The following IMMP2L variants were observed in gnomAD, a reference collection of about 807,000 sequenced individuals.
IMMP2L encodes mitochondrial inner membrane protease subunit 2.
IMMP2L carries 18 observed loss-of-function variants against 19.3 expected under a neutral mutation model. The observed-to-expected ratio is 0.93, with a 90% CI of 0.64 to 1.38. IMMP2L has a LOEUF of 1.38. Ranked by LOEUF, IMMP2L falls within the 40% of genes most tolerant of loss-of-function variation. The probability of loss-of-function intolerance (pLI) is 0.00; values close to 1 mark genes in which losing one functional copy is unlikely to be tolerated. For synonymous variants in IMMP2L, 76 were observed against 73.0 expected (o/e 1.04, Z -0.21); for missense variants, 233 against 218.2 (o/e 1.07, Z -0.43).
chr7:111,315,030 G>A (rs911823014), intron 3 of IMMP2L, among the ~76,000 whole-genome samples: 4 of 152,090 alleles, frequency 2.6e-5, no homozygotes, highest in South Asian at 2.1e-4. Context: ...AAAAGTATAC[G>A]TGCATATCTC....
At chr7:110,738,409 C>T (rs1796778221) in intron 5 of IMMP2L, among the ~76,000 whole-genome samples, 1 of 152,030 alleles carries the variant, frequency 6.6e-6, no homozygotes, top group Admixed American at 6.6e-5. Context: ...TAGAGAAATG[C>T]AAAATGCACT....
At chr7:111,377,892 T>C (rs969403922) in intron 3 of IMMP2L, among the ~76,000 whole-genome samples, 23 of 152,140 alleles carry the variant, frequency 1.5e-4, no homozygotes, top group Middle Eastern at 3.4e-3. Context: ...CTATACATAG[T>C]ATTAATGTAC....
intron 3 of IMMP2L, among the ~76,000 whole-genome samples, chr7:111,293,721 G>A (rs1378578111): frequency 6.6e-6 from 1 of 151,864 alleles, no homozygotes; most frequent in Non-Finnish European, 1.5e-5. Context: ...GAGCTAACAT[G>A]CAATTTCTTC....
At chr7:111,524,614 T>A (rs1293444983) in intron 1 of IMMP2L, among the ~76,000 whole-genome samples, 1 of 152,124 alleles carries the variant, frequency 6.6e-6, no homozygotes, top group Non-Finnish European at 1.5e-5. Flanking sequence ...TGGAAAATAC[T>A]GATATTTGGG....
At chr7:110,999,643 T>C (rs1823445726) in intron 3 of IMMP2L, among the ~76,000 whole-genome samples, 1 of 151,844 alleles carries the variant, frequency 6.6e-6, no homozygotes, top group Non-Finnish European at 1.5e-5. Context: ...GTATGTTCTC[T>C]GAATAGTTAC....
chr7:111,287,865 C>A (rs1820669140), intron 3 of IMMP2L, among the ~76,000 whole-genome samples: 1 of 152,134 alleles, frequency 6.6e-6, no homozygotes, highest in Non-Finnish European at 1.5e-5. Context: ...GTTGGACCAA[C>A]AGAAAGAAAT....
chr7:110,838,310 T>C (rs1382488628), intron 5 of IMMP2L, among the ~76,000 whole-genome samples: 1 of 152,140 alleles, frequency 6.6e-6, no homozygotes, highest in Admixed American at 6.6e-5. Flanking sequence ...TTTTATTATA[T>C]TGTATTTATG....
At chr7:110,977,120 A>G (rs1443480036) in intron 3 of IMMP2L, among the ~76,000 whole-genome samples, 2 of 151,816 alleles carry the variant, frequency 1.3e-5, no homozygotes, top group African/African-American at 4.8e-5. Flanking sequence ...AGGGTACAGA[A>G]GAATTTATTT....
intron 2 of IMMP2L, among the ~76,000 whole-genome samples, chr7:111,497,603 A>T (rs1172354135): frequency 1.3e-5 from 2 of 152,276 alleles, no homozygotes; most frequent in East Asian, 3.9e-4. Context: ...GGACGGAAGA[A>T]AAAAGGGAAA....
chr7:110,721,307 G>A (rs1795551934), intron 5 of IMMP2L, among the ~76,000 whole-genome samples: 1 of 152,030 alleles, frequency 6.6e-6, no homozygotes, highest in Admixed American at 6.6e-5. Context: ...ATAATGCATT[G>A]CGAAGTGTTT....
chr7:111,032,138 G>A (rs540492662), intron 3 of IMMP2L, among the ~76,000 whole-genome samples: 5 of 152,018 alleles, frequency 3.3e-5, no homozygotes, highest in African/African-American at 4.8e-5. Flanking sequence ...ACAAGGTTTC[G>A]CTATGTTGCC....
chr7:111,169,082 G>T (rs955984206), intron 3 of IMMP2L, among the ~76,000 whole-genome samples: 3 of 151,998 alleles, frequency 2.0e-5, no homozygotes, highest in Admixed American at 2.0e-4. Context: ...TGCAAAAACA[G>T]CAATCATGTA....
intron 3 of IMMP2L, among the ~76,000 whole-genome samples, chr7:111,468,937 A>G (rs961136618): frequency 3.3e-5 from 5 of 152,122 alleles, no homozygotes; most frequent in Non-Finnish European, 7.4e-5. Flanking sequence ...GGTATGGGCT[A>G]GGTTGGGTTT....
intron 3 of IMMP2L, among the ~76,000 whole-genome samples, chr7:111,130,867 G>C (rs1200013547): frequency 1.3e-5 from 2 of 151,950 alleles, no homozygotes; most frequent in South Asian, 4.1e-4. Context: ...TCAGAGAAGA[G>C]TCACCTATTC....
chr7:110,745,531 C>T (rs2130889838), intron 5 of IMMP2L, among the ~76,000 whole-genome samples: 1 of 152,286 alleles, frequency 6.6e-6, no homozygotes, highest in East Asian at 1.9e-4. Context: ...AAGGGAAGCC[C>T]ATCAGACTAA....
chr7:111,399,743 C>T (rs12705762), intron 3 of IMMP2L, among the ~76,000 whole-genome samples: 49,422 of 151,848 alleles, frequency 0.33, 8,937 homozygotes, highest in South Asian at 0.6. Context: ...CATTTCCTAC[C>T]TTTTAAACAT....
At chr7:111,218,573 A>G (rs1277636551) in intron 3 of IMMP2L, among the ~76,000 whole-genome samples, 2 of 152,082 alleles carry the variant, frequency 1.3e-5, no homozygotes, top group African/African-American at 4.8e-5. Flanking sequence ...CCAAGGCTAT[A>G]CACTCAGCTA....
At chr7:111,326,137 T>C (rs1825294460) in intron 3 of IMMP2L, among the ~76,000 whole-genome samples, 1 of 151,712 alleles carries the variant, frequency 6.6e-6, no homozygotes, top group Non-Finnish European at 1.5e-5. Context: ...TTCAGGTCTA[T>C]AAAGATATAA....
intron 3 of IMMP2L, among the ~76,000 whole-genome samples, chr7:111,347,772 G>T (rs1563086469): frequency 6.6e-6 from 1 of 151,966 alleles, no homozygotes; most frequent in Non-Finnish European, 1.5e-5. Context: ...AGCCATTCCT[G>T]CAATGAGCTT....
Sources: gnomAD v4.1 joint callset for allele counts (sites outside exome capture counted in the v4.1 genomes callset) on GRCh38, gnomAD v4.1.1 for gene constraint, MANE v1.5 for transcripts, NCBI Gene and HGNC (gene_info 2026-07-23, HGNC 2026-07-21) for gene names.